The following MAP1A variants were observed in gnomAD, a reference collection of about 807,000 sequenced individuals.
The protein encoded by MAP1A is microtubule-associated protein 1A.
A neutral mutation model predicts 185.9 loss-of-function variants in MAP1A; 42 were observed. The observed-to-expected ratio is 0.23, with a 90% CI of 0.18 to 0.29. MAP1A has a LOEUF of 0.29. Among genes scored for constraint, MAP1A ranks in the 10% least tolerant of loss-of-function variants. The pLI is 1.00. For synonymous variants in MAP1A, 1,229 were observed against 1,335.9 expected, an observed-to-expected ratio of 0.92 and a Z score of 1.74; for missense variants, 2,995 against 3,450.4, an observed-to-expected ratio of 0.87 and a Z score of 3.31.
At position 43,527,518 on chromosome 15, in the gene MAP1A, G is replaced by T. The variant is rs781610560; in HGVS notation, c.6045G>T (p.Lys2015Asn). 1 of 1,614,092 alleles carries T rather than the reference G, an allele frequency of 6.2e-7. No homozygotes were observed. The highest frequency in any genetic ancestry group is 1.1e-5 in the South Asian group (1 of 91,084). Residue 2015 changes from lysine to asparagine, a missense_variant, in exon 4 of 6, where the codon AAG becomes AAT. By Grantham distance (94) the Lys-to-Asn change is moderately conservative. Transcript: ENST00000300231. ...CCGGCCGAAACACATCTGCAGAGAA[G>T]GAGCTTTCATCTCCTATCTCACCCA... ...AAAGRNTSAE[K>N]ELSSPISPKS...
rs2079338820 is a variant in MAP1A, at chr15:43,525,410, G to C, written c.3937G>C (p.Asp1313His). The C allele has an allele frequency of 6.2e-7, 1 of 1,614,132 alleles. No individual in the cohort carries two copies. The highest frequency in any genetic ancestry group is 2.2e-5 in the East Asian group (1 of 44,886). ...KYLPGAITSP[D>H]EHILTPDSSF... Reference sequence around the variant, plus strand: ...CTTACCTGGGGCGATCACAAGCCCTGATGAACACATTCTGACACCTGATAG... The same window carrying C: ...CTTACCTGGGGCGATCACAAGCCCTCATGAACACATTCTGACACCTGATAG... Residue 1313 changes from aspartate to histidine, a missense_variant, in exon 4 of 6, where the codon GAT becomes CAT. This residue lies in a region of MAP1A where 2,728 missense variants were observed against 2,986.0 expected (regional missense o/e 0.91). Transcript: ENST00000300231.
Position 43,528,383 on chromosome 15 carries a change from ACTC to A in MAP1A, c.6914_6916del (p.Pro2305del), listed in dbSNP as rs1323319783. ...AGCTGCCCACAGCCTCTGGGACCTC[ACTC>A]CTCTGAGCCCAGCACCCCCAGCTTC... is the stretch of plus-strand genomic sequence containing the variant. On this transcript the variant is annotated inframe_deletion, in exon 4 of 6. Transcript: ENST00000300231. 6.2e-7 allele frequency: 1 copy of A among 1,613,490 alleles called. No individual in the cohort carries two copies. The highest frequency in any genetic ancestry group is 1.3e-5 in the African/African-American group (1 of 74,916).
intron 1 of MAP1A, among the ~76,000 whole-genome samples, chr15:43,517,988 G>T (rs1166614297): frequency 6.6e-6 from 1 of 152,160 alleles, no homozygotes; most frequent in Non-Finnish European, 1.5e-5. Context: ...CACTGGCTCT[G>T]CCTGACAGCC....
chr15:43,518,716 C>CG (rs545823592), intron 1 of MAP1A, among the ~76,000 whole-genome samples: 26 of 138,244 alleles, frequency 1.9e-4, no homozygotes, highest in Admixed American at 1.2e-3. Context: ...CCACCCCCCC[C>CG]CGCAACTCCA....
At position 43,530,349 on chromosome 15, in the gene MAP1A, G is replaced by C. The variant is rs2079366943; in HGVS notation, c.*125G>C. On this transcript the variant is annotated 3_prime_UTR_variant, in exon 6 of 6. Transcript: ENST00000300231. ...GAGGGGAGGGAGATGTCTTGTTGTGGGGACTTGGGCTGGGCTAAATGGGAG... is the reference window on the plus strand; with the variant it reads ...GAGGGGAGGGAGATGTCTTGTTGTGCGGACTTGGGCTGGGCTAAATGGGAG... 1.6e-6 allele frequency: 2 copies of C among 1,284,718 alleles called. No homozygotes were observed. The highest frequency in any genetic ancestry group is 2.1e-6 in the Non-Finnish European group (2 of 933,706). 79.6% of individuals were successfully genotyped at this position (1,284,718 alleles called of 1,614,324 possible).
Position 43,525,611 on chromosome 15 carries a change from G to A in MAP1A, c.4138G>A (p.Val1380Ile), listed in dbSNP as rs989016239. 16 of 1,614,098 alleles carry A rather than the reference G, an allele frequency of 9.9e-6. No homozygotes were observed. The highest frequency in any genetic ancestry group is 1.6e-4 in the Middle Eastern group (1 of 6,084). Residue 1380 changes from valine to isoleucine, a missense_variant, in exon 4 of 6, where the codon GTA becomes ATA. By Grantham distance (29) the Val-to-Ile change is conservative. Transcript: ENST00000300231. ...KDKTLEHKEV[V>I]EPKDTAIYQK... ...CAAAACTCTGGAGCACAAGGAGGTGGTAGAGCCGAAGGATACAGCCATCTA... is the reference window on the plus strand; with the variant it reads ...CAAAACTCTGGAGCACAAGGAGGTGATAGAGCCGAAGGATACAGCCATCTA...
chr15:43,528,457 G>A lies in MAP1A; in HGVS notation c.6984G>A (p.Met2328Ile), dbSNP rs1304306798. ...CAGCTCCAAGCCTGCCTGGAGACAT[G>A]GGTGATGGCATCCTGCCGTGCCACC... ...LAPAPSLPGD[M>I]GDGILPCHLE... is the part of the protein sequence containing the mutation. Residue 2328 changes from methionine to isoleucine, a missense_variant, in exon 4 of 6, where the codon ATG (methionine) becomes ATA (isoleucine). Physicochemically the swap from Met to Ile is conservative, Grantham distance 10 (BLOSUM62 1). Around this residue, in one of 3 missense-constraint regions of MAP1A, gnomAD observed 2,728 missense variants for 2,986.0 expected, o/e 0.91. Transcript: ENST00000300231. 1 of 1,613,514 alleles carries A rather than the reference G, an allele frequency of 6.2e-7. No individual in the cohort carries two copies. The highest frequency in any genetic ancestry group is 2.2e-5 in the East Asian group (1 of 44,886).
At position 43,512,317 on chromosome 15, in the gene MAP1A, C is replaced by A. The variant is rs748349749; in HGVS notation, c.340+26C>A. On this transcript the variant is annotated intron_variant, in intron 2 of 6. Coordinates refer to the MAP1A transcript ENST00000382031. ...GTTAGGACTAATGTTTTATTTCAGTCCTTTGGGTAAGAGCTGGTCACAGAG... is the reference window on the plus strand; with the variant it reads ...GTTAGGACTAATGTTTTATTTCAGTACTTTGGGTAAGAGCTGGTCACAGAG... The A allele has an allele frequency of 4.9e-5, 72 of 1,464,050 alleles. No individual in the cohort carries two copies. The African/African-American group carries it at 9.1e-4, about 19-fold the overall frequency. 90.7% of individuals were successfully genotyped at this position (1,464,050 alleles called of 1,614,324 possible).
At position 43,528,172 on chromosome 15, in the gene MAP1A, C is replaced by T; in HGVS notation, c.6699C>T (p.Leu2233=). 4 of 1,614,144 alleles carry T rather than the reference C, an allele frequency of 2.5e-6. No homozygotes were observed. The highest frequency in any genetic ancestry group is 1.1e-5 in the South Asian group (1 of 91,080). Residue 2233 remains leucine, a synonymous_variant, in exon 4 of 6, where the codon CTC becomes CTT. Transcript: ENST00000300231. ...APSLDSSLPQ[L]PSPSSPGAPL... ...GCCTGGATTCCTCACTGCCCCAGCTCCCATCACCCAGTTCTCCTGGGGCCC... is the reference window on the plus strand; with the variant it reads ...GCCTGGATTCCTCACTGCCCCAGCTTCCATCACCCAGTTCTCCTGGGGCCC...
chr15:43,520,249 G>A (rs1263318869), intron 1 of MAP1A, among the ~76,000 whole-genome samples: 3 of 152,108 alleles, frequency 2.0e-5, no homozygotes, highest in African/African-American at 4.8e-5. Context: ...GGGAAGTGAG[G>A]GTCATCATCC....
At chr15:43,520,850 C>T in intron 2 of MAP1A, 122 bp from the exon 3 acceptor site, 1 of 1,293,836 alleles carries the variant, frequency 7.7e-7, no homozygotes, top group African/African-American at 1.5e-5. Flanking sequence ...TTGTCTCCAG[C>T]CCACTCTGGA....
In MAP1A at chr15:43,526,828, G is replaced by C; in HGVS notation, c.5355G>C (p.Glu1785Asp). The change falls in exon 4 of 6, where the codon GAG becomes GAC. Residue 1785 changes from glutamate to aspartate, a missense_variant. By Grantham distance (45) the Glu-to-Asp change is conservative (BLOSUM62 2). Coordinates refer to ENST00000300231, the MANE Select transcript of MAP1A (RefSeq NM_002373.6). This position sits in a 1 kb window ranked among gnomAD's most constrained non-coding sequence, Gnocchi z 4.7. The stretch of plus-strand genomic sequence containing the variant: ...CAGTTGGGTTGCCACCAGAGGAAGA[G>C]GACAAACTGACCCGCTCTCCCTTTG... ...ESPVGLPPEE[E>D]DKLTRSPFEI... is the part of the protein sequence containing the mutation. 2 of 1,614,128 alleles carry C rather than the reference G, an allele frequency of 1.2e-6. No homozygotes were observed. Among genetic ancestry groups the C allele is most frequent in the Middle Eastern group, 1.6e-4 (1 of 6,062 alleles).
rs751880513 is a variant in MAP1A, at chr15:43,522,527, C to T, written c.1054C>T (p.Leu352=). 2.5e-6 allele frequency: 4 copies of T among 1,612,804 alleles called. No homozygotes were observed. In the African/African-American group the frequency reaches 4.0e-5, roughly 16 times the overall value. Residue 352 remains leucine, a synonymous_variant, in exon 4 of 6, where the codon CTG becomes TTG. Transcript: ENST00000300231. The surrounding 1 kb of genome is among the most constrained non-coding windows in gnomAD (Gnocchi z 5.9). Reference sequence around the variant, plus strand: ...GGGAGCCAAGGAGGCACGTTCAGAGCTGGCCAAGGAGTTAGCCAAGACAGA... The same window carrying T: ...GGGAGCCAAGGAGGCACGTTCAGAGTTGGCCAAGGAGTTAGCCAAGACAGA... ...EEGAKEARSE[L]AKELAKTEKK...
Position 43,530,361 on chromosome 15 carries a change from G to A in MAP1A, c.*137G>A. 9.2e-7 allele frequency: 1 copy of A among 1,090,802 alleles called. No individual in the cohort carries two copies. The highest frequency in any genetic ancestry group is 1.3e-6 in the Non-Finnish European group (1 of 772,008). The allele number at this position is 1,090,802 out of a possible 1,614,324, so 67.6% of individuals were successfully genotyped here. The stretch of plus-strand genomic sequence containing the variant: ...ATGTCTTGTTGTGGGGACTTGGGCT[G>A]GGCTAAATGGGAGGGGTTGTCCCTC... On this transcript the variant is annotated 3_prime_UTR_variant, in exon 6 of 6. Transcript: ENST00000300231.
upstream of MAP1A, among the ~76,000 whole-genome samples, chr15:43,515,180 G>C (rs1453367604): frequency 6.6e-6 from 1 of 152,190 alleles, no homozygotes; most frequent in African/African-American, 2.4e-5. Flanking sequence ...TTGCAGTCCA[G>C]CCTGGGCGAC....
rs772687456 is a variant in MAP1A, at chr15:43,528,688, A to G, written c.7215A>G (p.Thr2405=). 1.2e-6 allele frequency: 2 copies of G among 1,613,726 alleles called. No homozygotes were observed. Among genetic ancestry groups the G allele is most frequent in the Admixed American group, 1.7e-5 (1 of 60,020 alleles). The part of the protein sequence containing the change: ...EGAERSSRPD[T]LLSPEQPVCP... The stretch of plus-strand genomic sequence containing the variant: ...CTGAGAGGAGCTCCCGGCCTGACAC[A>G]TTGCTCTCCCCTGAGCAGCCAGTGT... The change falls in exon 4 of 6, where the codon ACA becomes ACG. Residue 2405 remains threonine (T), a synonymous_variant. Transcript: ENST00000300231.
At position 43,529,268 on chromosome 15, in the gene MAP1A, G is replaced by C; in HGVS notation, c.7795G>C (p.Glu2599Gln). The C allele has an allele frequency of 6.2e-7, 1 of 1,613,830 alleles. No individual in the cohort carries two copies. The highest frequency in any genetic ancestry group is 1.3e-5 in the African/African-American group (1 of 75,036). The change falls in exon 4 of 6, where the codon GAA becomes CAA. Residue 2599 changes from glutamate (E) to glutamine (Q), a missense_variant. Physicochemically the swap from Glu to Gln is conservative, Grantham distance 29. Transcript: ENST00000300231. This position sits in a 1 kb window ranked among gnomAD's most constrained non-coding sequence, Gnocchi z 4.3. ...SGRVERLREK[E>Q]KVQGRVGRRA... ...GAGAGTAGAGAGGCTACGGGAGAAG[G>C]AAAAGGTTCAGGGGCGAGTAGGGCG...
rs368338022 is a variant in MAP1A at position 43,526,528 on chromosome 15, C to T, written c.5055C>T (p.Gly1685=). 1.2e-6 allele frequency: 2 copies of T among 1,614,096 alleles called. No homozygotes were observed. The highest frequency in any genetic ancestry group is 8.5e-7 in the Non-Finnish European group (1 of 1,180,016). ...SPEQDNRYWR[G]REDVALEQDT... is the part of the protein sequence containing the mutation. ...AGCAGGACAATAGGTATTGGAGGGGCAGAGAGGATGTGGCCTTGGAACAGG... is the reference window on the plus strand; with the variant it reads ...AGCAGGACAATAGGTATTGGAGGGGTAGAGAGGATGTGGCCTTGGAACAGG... Residue 1685 remains glycine (G), a synonymous_variant, in exon 4 of 6, where the codon GGC becomes GGT. Transcript: ENST00000300231. The surrounding 1 kb of genome is among the most constrained non-coding windows in gnomAD (Gnocchi z 4.7).
chr15:43,510,996 C>T, exon 1 of MAP1A: 1 of 1,542,880 alleles, frequency 6.5e-7, no homozygotes, highest in Non-Finnish European at 8.7e-7. Context: ...TCCATGGAGA[C>T]CGAGGCCGAG....
Sources: allele counts gnomAD v4.1 joint callset (sites outside exome capture counted in the v4.1 genomes callset), GRCh38; gene constraint gnomAD v4.1.1; regional missense constraint gnomAD v4.1.1; non-coding constraint Gnocchi (gnomAD v3.1); transcripts MANE v1.5; gene names NCBI Gene and HGNC (gene_info 2026-07-23, HGNC 2026-07-21).